PPP1R12B: variants seen among roughly 807,000 people sequenced by gnomAD.
The protein encoded by PPP1R12B is protein phosphatase 1 regulatory subunit 12B.
PPP1R12B carries 76 observed loss-of-function variants against 126.1 expected under a neutral mutation model. The observed-to-expected ratio is 0.60, with a 90% confidence interval of 0.50 to 0.73. The LOEUF (loss-of-function observed/expected upper bound fraction) is 0.73. PPP1R12B is among the 30% of genes least tolerant of loss of function. The pLI, the probability that PPP1R12B is intolerant of heterozygous loss-of-function variation, is 0.00. For synonymous variants in PPP1R12B, 356 were observed against 434.7 expected (o/e 0.82, Z 2.25); for missense variants, 1,052 against 1,205.1 (o/e 0.87, Z 1.88).
chr1:202,349,690 C>A (rs1355539090), intron 1 of PPP1R12B, among the ~76,000 whole-genome samples: 1 of 152,162 alleles, frequency 6.6e-6, no homozygotes, highest in Non-Finnish European at 1.5e-5. Flanking sequence ...GCTCCTAGAA[C>A]ACGCTGGACC....
At chr1:202,488,724 AACAC>A (rs141532496) in intron 14 of PPP1R12B, 101 bp downstream of exon 14, 232 of 947,494 alleles carry the variant, frequency 2.4e-4, no homozygotes, top group Middle Eastern at 2.9e-4. Context: ...TGCTGATTTA[AACAC>A]ACACACACAC....
intron 18 of PPP1R12B, among the ~76,000 whole-genome samples, chr1:202,517,885 G>A (rs527471430): frequency 4.6e-5 from 7 of 152,074 alleles, no homozygotes; most frequent in East Asian, 1.9e-4. Flanking sequence ...GTCAGCCTCC[G>A]AAAGTGCTGG....
chr1:202,452,719 G>A lies in PPP1R12B; in HGVS notation c.1850+3548G>A, dbSNP rs540871826. Among the ~76,000 whole-genome samples, 4 of 152,232 alleles carry A rather than the reference G, an allele frequency of 2.6e-5. No homozygotes were observed. In the South Asian group the frequency reaches 8.3e-4, roughly 32 times the overall value. ...TTCTGCAACTTTATTGAATTTTTCA[G>A]TTCTAATAGTTTTTTTGGTGGAGTC... On this transcript the variant is annotated intron_variant, in intron 13 of 23. Coordinates refer to ENST00000608999, the MANE Select transcript of PPP1R12B (RefSeq NM_002481.4).
chr1:202,544,543 TTGAAG>T (rs1685458416), intron 18 of PPP1R12B, among the ~76,000 whole-genome samples: 1 of 152,220 alleles, frequency 6.6e-6, no homozygotes, highest in Non-Finnish European at 1.5e-5. Context: ...TGAATAAATC[TTGAAG>T]TAAGTGGGTC....
chr1:202,564,591 T>C (rs1469115355), intron 21 of PPP1R12B, 44 bp downstream of exon 21: 1 of 1,502,360 alleles, frequency 6.7e-7, no homozygotes. Flanking sequence ...CAAGGGTTGA[T>C]GTAAGGAAGC....
intron 1 of PPP1R12B, among the ~76,000 whole-genome samples, chr1:202,364,259 G>A (rs974092850): frequency 1.3e-5 from 2 of 152,002 alleles, no homozygotes; most frequent in African/African-American, 4.8e-5. Context: ...AAATTCTTTT[G>A]AAGAACTTTT....
chr1:202,505,223 T>A (rs1329553941), intron 18 of PPP1R12B, among the ~76,000 whole-genome samples: 1 of 152,218 alleles, frequency 6.6e-6, no homozygotes, highest in Non-Finnish European at 1.5e-5. Flanking sequence ...TGGAACCTGT[T>A]AAGCATCTGA....
chr1:202,441,838 C>T (rs560220301), intron 11 of PPP1R12B, among the ~76,000 whole-genome samples: 67 of 152,022 alleles, frequency 4.4e-4, no homozygotes, highest in African/African-American at 1.5e-3. Context: ...GCTACTAAGA[C>T]TGATTGCAAC....
intron 18 of PPP1R12B, among the ~76,000 whole-genome samples, chr1:202,538,851 CACT>C (rs1684818833): frequency 1.3e-5 from 2 of 152,180 alleles, no homozygotes; most frequent in African/African-American, 2.4e-5. Flanking sequence ...CTTGCAATTG[CACT>C]ACTGTCTGTT....
At chr1:202,480,631 T>C (rs1677225074) in intron 13 of PPP1R12B, among the ~76,000 whole-genome samples, 1 of 152,214 alleles carries the variant, frequency 6.6e-6, no homozygotes, top group Non-Finnish European at 1.5e-5. Context: ...CCGTGAGTAA[T>C]ATTATTGACA....
intron 22 of PPP1R12B, among the ~76,000 whole-genome samples, chr1:202,568,277 C>T (rs1357108057): frequency 6.6e-6 from 1 of 152,156 alleles, no homozygotes; most frequent in Admixed American, 6.5e-5. Context: ...TTAGGTCTTA[C>T]GACTTGAAAC....
intron 13 of PPP1R12B, among the ~76,000 whole-genome samples, chr1:202,481,527 A>G (rs1425367078): frequency 2.9e-5 from 4 of 137,966 alleles, no homozygotes; most frequent in Non-Finnish European, 6.4e-5. Context: ...GTTTTGGAAG[A>G]TATAGTTTTT....
At chr1:202,438,860 C>T (rs569745330) in intron 10 of PPP1R12B, 1 of 1,197,960 alleles carries the variant, frequency 8.3e-7, no homozygotes, top group Non-Finnish European at 1.2e-6. Flanking sequence ...CTGACTCCAT[C>T]TACTGCTATA....
chr1:202,439,103 G>A, intron 10 of PPP1R12B: 1 of 1,531,400 alleles, frequency 6.5e-7, no homozygotes, highest in Non-Finnish European at 9.0e-7. Context: ...CGCCAAAGTG[G>A]ACATGACGTT....
chr1:202,371,303 G>A (rs1295362041), intron 1 of PPP1R12B, among the ~76,000 whole-genome samples: 1 of 151,550 alleles, frequency 6.6e-6, no homozygotes, highest in Non-Finnish European at 1.5e-5. Context: ...TTACAGGCGT[G>A]AGCCACTGTG....
At chr1:202,515,222 A>G (rs1305708062) in intron 18 of PPP1R12B, among the ~76,000 whole-genome samples, 1 of 152,188 alleles carries the variant, frequency 6.6e-6, no homozygotes, top group East Asian at 1.9e-4. Context: ...TGATTAATCT[A>G]TGCAACAAAC....
intron 13 of PPP1R12B, among the ~76,000 whole-genome samples, chr1:202,454,638 A>C (rs1052291894): frequency 6.6e-6 from 1 of 152,210 alleles, no homozygotes; most frequent in Non-Finnish European, 1.5e-5. Flanking sequence ...TGCTGACAGA[A>C]GACTTCCCTT....
At chr1:202,361,368 G>T (rs1272451561) in intron 1 of PPP1R12B, among the ~76,000 whole-genome samples, 1 of 152,232 alleles carries the variant, frequency 6.6e-6, no homozygotes, top group Non-Finnish European at 1.5e-5. Context: ...GAAGCTTACA[G>T]TCATGCAAAA....
chr1:202,421,695 T>C (rs2148633464), intron 2 of PPP1R12B, among the ~76,000 whole-genome samples: 1 of 150,856 alleles, frequency 6.6e-6, no homozygotes, highest in African/African-American at 2.4e-5. Flanking sequence ...GTCCAGTAAA[T>C]GTTTATTGAA....
Sources: gnomAD v4.1 joint callset for allele counts (sites outside exome capture counted in the v4.1 genomes callset) on GRCh38, gnomAD v4.1.1 for gene constraint, MANE v1.5 for transcripts, NCBI Gene and HGNC (gene_info 2026-07-23, HGNC 2026-07-21) for gene names.